DPP6: variants seen among roughly 807,000 people sequenced by gnomAD.
DPP6 encodes the protein A-type potassium channel modulatory protein DPP6.
DPP6 carries 69 observed loss-of-function variants against 122.6 expected under a neutral mutation model. The ratio of observed to expected loss-of-function variants is 0.56; its 90% CI spans 0.46 to 0.69. The LOEUF is 0.69. Among genes scored for constraint, DPP6 ranks in the 30% least tolerant of loss-of-function variants. DPP6 has a pLI of 0.00. For missense variants in DPP6, 928 were observed against 1,116.9 expected (o/e 0.83, Z 2.41); for synonymous variants, 418 against 433.1 (o/e 0.97, Z 0.43).
intron 1 of DPP6, among the ~76,000 whole-genome samples, chr7:154,180,010 T>C (rs773932568): frequency 2.6e-5 from 4 of 152,188 alleles, no homozygotes; most frequent in Non-Finnish European, 5.9e-5. Flanking sequence ...TGAAAGGTCT[T>C]TTTGTATAGA....
intron 5 of DPP6, among the ~76,000 whole-genome samples, chr7:154,637,373 T>C (rs7800584): frequency 0.69 from 104,397 of 152,136 alleles, 36,320 homozygotes; most frequent in East Asian, 0.92. Context: ...TTGACTTCAA[T>C]ATTGCAACTC....
intron 1 of DPP6, among the ~76,000 whole-genome samples, chr7:154,431,865 G>A (rs1285319606): frequency 6.6e-6 from 1 of 152,036 alleles, no homozygotes; most frequent in African/African-American, 2.4e-5. Flanking sequence ...GACTTCCTTG[G>A]AATTGGTATT....
chr7:154,102,044 C>T (rs888322368), intron 1 of DPP6, among the ~76,000 whole-genome samples: 22 of 151,674 alleles, frequency 1.5e-4, no homozygotes, highest in Non-Finnish European at 2.5e-4. Flanking sequence ...ATTTCTATTT[C>T]CTGCCTCCTC....
chr7:154,107,743 G>A (rs1205037699), intron 1 of DPP6, among the ~76,000 whole-genome samples: 1 of 152,110 alleles, frequency 6.6e-6, no homozygotes, highest in Non-Finnish European at 1.5e-5. Flanking sequence ...TGGAGGTTGG[G>A]GAACCTTACC....
At chr7:154,095,972 G>A (rs1486791552) in intron 1 of DPP6, 7 of 130,642 alleles carry the variant, frequency 5.4e-5, no homozygotes, top group African/African-American at 1.2e-4. Context: ...AGTTCCAGGC[G>A]AGACCAGGGA....
intron 14 of DPP6, 117 bp from the exon 15 acceptor site, chr7:154,804,800 C>G: frequency 5.6e-6 from 8 of 1,428,348 alleles, no homozygotes; most frequent in Non-Finnish European, 7.7e-6. Context: ...GGGAGCTACT[C>G]CCTGCAGGCC....
chr7:154,664,267 A>G (rs1343975786), intron 6 of DPP6, among the ~76,000 whole-genome samples: 1 of 152,202 alleles, frequency 6.6e-6, no homozygotes, highest in African/African-American at 2.4e-5. Flanking sequence ...ACCATGGCGT[A>G]TTGGCCCTAG....
the DPP6 span, among the ~76,000 whole-genome samples, chr7:153,813,870 GTTGT>G: frequency 2.6e-5 from 4 of 152,240 alleles, no homozygotes; most frequent in Middle Eastern, 3.4e-3. Context: ...TTTTGATGGG[GTTGT>G]TTGTTTTTTT....
At chr7:154,121,810 C>T (rs1163078070) in intron 1 of DPP6, among the ~76,000 whole-genome samples, 4 of 152,130 alleles carry the variant, frequency 2.6e-5, no homozygotes, top group Non-Finnish European at 4.4e-5. Context: ...GTAGGTGTTC[C>T]CACCAGAGCA....
chr7:154,839,454 CT>C (rs2150546160), intron 16 of DPP6, among the ~76,000 whole-genome samples: 2 of 152,354 alleles, frequency 1.3e-5, no homozygotes, highest in African/African-American at 4.8e-5. Context: ...GGCGTTACCA[CT>C]TACAGTTCTG....
chr7:154,737,158 A>C lies in DPP6; in HGVS notation c.883+9271A>C, dbSNP rs57764226. On this transcript the variant is annotated intron_variant, in intron 8 of 25. Coordinates refer to ENST00000377770, the MANE Select transcript of DPP6 (RefSeq NM_130797.4). ...AATAGAGTAGGAATAGCAGTATCTA[A>C]GTTTCAGTGAGTCTTTCTTCCATGC... Among the ~76,000 whole-genome samples, 599 of 152,334 alleles carry C rather than the reference A, an allele frequency of 3.9e-3. 20 individuals are homozygous for C. The East Asian group carries it at 0.093, about 24-fold the overall frequency.
At chr7:154,354,392 A>G (rs1403280249) in intron 1 of DPP6, among the ~76,000 whole-genome samples, 5 of 152,158 alleles carry the variant, frequency 3.3e-5, no homozygotes, top group Admixed American at 6.5e-5. Flanking sequence ...ACCCTATTTT[A>G]TTGATGAGAT....
chr7:154,801,369 G>A lies in DPP6; in HGVS notation c.1314G>A (p.Val438=). The change falls in exon 13 of 26, where the codon GTG becomes GTA. Residue 438 remains valine (V), a synonymous_variant. Transcript: ENST00000377770. ...TTTGTCCACAGAATGAAGAACCTGT[G>A]TTCTCCAAGGATGGCCGAAAGTTTT... The part of the protein sequence containing the change: ...AWLHRQNEEP[V]FSKDGRKFFF... 1.3e-6 allele frequency: 2 copies of A among 1,588,778 alleles called. No homozygotes were observed. The highest frequency in any genetic ancestry group is 1.2e-5 in the South Asian group (1 of 86,774).
chr7:154,804,017 T>G, intron 14 of DPP6, 62 bp downstream of exon 14: 3 of 1,573,802 alleles, frequency 1.9e-6, no homozygotes, highest in Non-Finnish European at 2.6e-6. Context: ...TGTTATTTTT[T>G]GTCAATTACA....
chr7:154,624,434 C>T lies in DPP6; in HGVS notation c.628-13387C>T, dbSNP rs1283322990. Among the ~76,000 whole-genome samples, 1 of 152,006 alleles carries T rather than the reference C, an allele frequency of 6.6e-6. No homozygotes were observed. Among genetic ancestry groups the T allele is most frequent in the Non-Finnish European group, 1.5e-5 (1 of 68,016 alleles). On this transcript the variant is annotated intron_variant, in intron 5 of 25. Transcript: ENST00000377770. The surrounding 1 kb of genome is among the most constrained non-coding windows in gnomAD (Gnocchi z 4.7). ...TTGTACCCAGGAGACAGAGATTGCG[C>T]CGCTGCCTTCCAACCTGGGCAACAA...
chr7:154,057,003 A>G lies in DPP6; in HGVS notation c.243+3940A>G, dbSNP rs531157937. On this transcript the variant is annotated intron_variant, in intron 1 of 25. Coordinates refer to ENST00000377770, the MANE Select transcript of DPP6 (RefSeq NM_130797.4). ...CACCAATAGGACCAGTGCTTGGTGTACTCACCTACAGAATAGCTATGGATA... is the reference window on the plus strand; with the variant it reads ...CACCAATAGGACCAGTGCTTGGTGTGCTCACCTACAGAATAGCTATGGATA... Among the ~76,000 whole-genome samples, 14 of 152,318 alleles carry G rather than the reference A, an allele frequency of 9.2e-5. No individual in the cohort carries two copies. In the South Asian group the frequency reaches 2.9e-3, roughly 32 times the overall value.
intron 1 of DPP6, among the ~76,000 whole-genome samples, chr7:154,253,178 T>C (rs1802456591): frequency 6.6e-6 from 1 of 152,212 alleles, no homozygotes; most frequent in African/African-American, 2.4e-5. Flanking sequence ...GGCAACAGTC[T>C]CATATTCTTC....
chr7:153,791,821 T>C, the DPP6 span, among the ~76,000 whole-genome samples: 37 of 152,256 alleles, frequency 2.4e-4, no homozygotes, highest in African/African-American at 7.0e-4. Context: ...ACAGAGGTCA[T>C]GAAGAAGCTG....
intron 8 of DPP6, among the ~76,000 whole-genome samples, chr7:154,739,831 C>T (rs1842737216): frequency 6.6e-6 from 1 of 152,194 alleles, no homozygotes; most frequent in Non-Finnish European, 1.5e-5. Flanking sequence ...GGGAGAAACC[C>T]CAGTGTCCCA....
Sources: allele counts gnomAD v4.1 joint callset (sites outside exome capture counted in the v4.1 genomes callset), GRCh38; gene constraint gnomAD v4.1.1; non-coding constraint Gnocchi (gnomAD v3.1); transcripts MANE v1.5; gene names NCBI Gene and HGNC (gene_info 2026-07-23, HGNC 2026-07-21).